HS6ST3: variants seen among roughly 807,000 people sequenced by gnomAD.
The protein encoded by HS6ST3 is heparan sulfate 6-O-sulfotransferase 3.
A neutral mutation model predicts 36.7 loss-of-function variants in HS6ST3; 12 were observed. That is an observed-to-expected ratio of 0.33 (90% CI 0.21 to 0.53). The LOEUF is 0.53. HS6ST3 is among the 20% of genes least tolerant of loss of function. The probability of loss-of-function intolerance (pLI) is 0.95; values close to 1 mark genes in which losing one functional copy is unlikely to be tolerated. For missense variants in HS6ST3, 584 were observed against 640.9 expected (o/e 0.91, Z 0.96); for synonymous variants, 240 against 257.5 (o/e 0.93, Z 0.65).
intron 1 of HS6ST3, among the ~76,000 whole-genome samples, chr13:96,828,552 C>A (rs1171313445): frequency 2.0e-5 from 3 of 152,148 alleles, no homozygotes; most frequent in African/African-American, 7.2e-5. Context: ...AATCCAAGTT[C>A]TATAACTTAC....
intron 1 of HS6ST3, among the ~76,000 whole-genome samples, chr13:96,511,924 A>G (rs558291521): frequency 6.6e-6 from 1 of 152,290 alleles, no homozygotes; most frequent in South Asian, 2.1e-4. Flanking sequence ...TTTTATCCAG[A>G]TAATGAGCCA....
chr13:96,165,910 A>C (rs1391054823), intron 1 of HS6ST3, among the ~76,000 whole-genome samples: 1 of 152,132 alleles, frequency 6.6e-6, no homozygotes, highest in African/African-American at 2.4e-5. Context: ...GCATGAGATA[A>C]AGTTAAACAA....
At chr13:96,426,144 GC>G (rs2139471337) in intron 1 of HS6ST3, among the ~76,000 whole-genome samples, 1 of 151,800 alleles carries the variant, frequency 6.6e-6, no homozygotes, top group East Asian at 1.9e-4. Flanking sequence ...AAAAAAAATG[GC>G]CACCTTGCTG....
intron 1 of HS6ST3, among the ~76,000 whole-genome samples, chr13:96,531,544 A>G (rs1241879957): frequency 6.6e-6 from 1 of 152,138 alleles, no homozygotes; most frequent in Non-Finnish European, 1.5e-5. Flanking sequence ...TGTTTCCTCT[A>G]TTTATTGCTC....
intron 1 of HS6ST3, among the ~76,000 whole-genome samples, chr13:96,422,501 A>G (rs1188764869): frequency 1.3e-5 from 2 of 152,222 alleles, no homozygotes; most frequent in South Asian, 4.1e-4. Context: ...AGGGTGTTCA[A>G]CAGTTAAGAA....
chr13:96,157,249 A>G (rs1453624469), intron 1 of HS6ST3, among the ~76,000 whole-genome samples: 1 of 152,198 alleles, frequency 6.6e-6, no homozygotes, highest in Admixed American at 6.5e-5. Flanking sequence ...TTTTATTGCC[A>G]TCTTCTTCAG....
At chr13:96,464,027 T>G (rs1029616528) in intron 1 of HS6ST3, among the ~76,000 whole-genome samples, 7 of 27,334 alleles carry the variant, frequency 2.6e-4, no homozygotes, top group Non-Finnish European at 1.1e-3. Flanking sequence ...AGGTTTTTTT[T>G]TTTTTTTTTT....
intron 1 of HS6ST3, among the ~76,000 whole-genome samples, chr13:96,256,323 G>A (rs1180347698): frequency 6.6e-6 from 1 of 152,120 alleles, no homozygotes; most frequent in Non-Finnish European, 1.5e-5. Context: ...GGCGAGGGTG[G>A]GAACTACACG....
At chr13:96,660,172 A>C (rs1365519459) in intron 1 of HS6ST3, among the ~76,000 whole-genome samples, 1 of 152,106 alleles carries the variant, frequency 6.6e-6, no homozygotes, top group Non-Finnish European at 1.5e-5. Flanking sequence ...AAATGCATTA[A>C]TACAGTATCA....
intron 1 of HS6ST3, among the ~76,000 whole-genome samples, chr13:96,770,235 A>G (rs1436051311): frequency 2.0e-5 from 3 of 152,212 alleles, no homozygotes; most frequent in Admixed American, 1.3e-4. Context: ...TTCCTGCTCA[A>G]TGCAGTCTAG....
At chr13:96,159,191 G>A (rs544943966) in intron 1 of HS6ST3, among the ~76,000 whole-genome samples, 5 of 152,136 alleles carry the variant, frequency 3.3e-5, no homozygotes, top group Non-Finnish European at 5.9e-5. Flanking sequence ...TCCTCAAGAA[G>A]CAGGACACGT....
rs1448186742 is a variant in HS6ST3 at position 96,833,111 on chromosome 13, G to A, written c.1329G>A (p.Glu443=). ...GGGAGGAGCGGAGGCTGCAGCGAGA[G>A]CACAGGGACCACCAGTGGCCCAAAG... ...KRREERRLQR[E]HRDHQWPKED... The change falls in exon 2 of 2, where the codon GAG becomes GAA. Residue 443 remains glutamate, a synonymous_variant. Coordinates refer to ENST00000376705, the MANE Select transcript of HS6ST3 (RefSeq NM_153456.4). The A allele has an allele frequency of 1.9e-6, 3 of 1,604,772 alleles. No individual in the cohort carries two copies. Among genetic ancestry groups the A allele is most frequent in the Admixed American group, 1.7e-5 (1 of 60,000 alleles).
intron 1 of HS6ST3, among the ~76,000 whole-genome samples, chr13:96,126,730 A>G (rs1388736225): frequency 2.0e-5 from 3 of 152,166 alleles, no homozygotes; most frequent in African/African-American, 7.2e-5. Flanking sequence ...CGACTCTTTC[A>G]TCACTGTTGT....
At chr13:96,331,778 G>C (rs2055069920) in intron 1 of HS6ST3, among the ~76,000 whole-genome samples, 1 of 151,950 alleles carries the variant, frequency 6.6e-6, no homozygotes, top group African/African-American at 2.4e-5. Context: ...CCCTCCCCCA[G>C]CCTCGCTGCC....
At chr13:96,722,987 A>ATG (rs1566438454) in intron 1 of HS6ST3, among the ~76,000 whole-genome samples, 24 of 122,758 alleles carry the variant, frequency 2.0e-4, no homozygotes, top group African/African-American at 8.6e-4. Flanking sequence ...AAAAAAATAT[A>ATG]CGTGTGTGTG....
intron 1 of HS6ST3, among the ~76,000 whole-genome samples, chr13:96,492,098 A>G (rs1328567134): frequency 6.6e-6 from 1 of 152,022 alleles, no homozygotes; most frequent in Non-Finnish European, 1.5e-5. Flanking sequence ...TTGCCTGTGG[A>G]TTGATTGTAG....
chr13:96,808,344 G>A (rs538154755), intron 1 of HS6ST3, among the ~76,000 whole-genome samples: 1 of 152,272 alleles, frequency 6.6e-6, no homozygotes, highest in African/African-American at 2.4e-5. Context: ...GAAAGTGGTA[G>A]GTATCACTTC....
chr13:96,182,046 C>G (rs2139340528), intron 1 of HS6ST3, among the ~76,000 whole-genome samples: 1 of 152,262 alleles, frequency 6.6e-6, no homozygotes, highest in Non-Finnish European at 1.5e-5. Context: ...GAAATGACAG[C>G]CTCGAAAAAG....
intron 1 of HS6ST3, among the ~76,000 whole-genome samples, chr13:96,098,425 A>G (rs1270527609): frequency 1.3e-5 from 2 of 152,154 alleles, no homozygotes; most frequent in Non-Finnish European, 2.9e-5. Flanking sequence ...GAATTAGGAA[A>G]AAGACTTCAA....
Sources: gnomAD v4.1 joint callset for allele counts (sites outside exome capture counted in the v4.1 genomes callset) on GRCh38, gnomAD v4.1.1 for gene constraint, MANE v1.5 for transcripts, NCBI Gene and HGNC (gene_info 2026-07-23, HGNC 2026-07-21) for gene names.